The following MEIS1 variants were observed in gnomAD, a reference collection of about 807,000 sequenced individuals.
MEIS1 encodes homeobox protein Meis1.
Under a neutral mutation model 50.8 loss-of-function variants are expected in MEIS1, and 5 were observed. The ratio of observed to expected loss-of-function variants is 0.10; its 90% CI spans 0.05 to 0.21. The LOEUF (loss-of-function observed/expected upper bound fraction) is 0.21. Among genes scored for constraint, MEIS1 ranks in the 10% least tolerant of loss-of-function variants. MEIS1 has a pLI of 1.00. For synonymous variants in MEIS1, 176 were observed against 179.3 expected (o/e 0.98, Z 0.15); for missense variants, 318 against 517.3 (o/e 0.61, Z 3.74).
intron 6 of MEIS1, among the ~76,000 whole-genome samples, chr2:66,455,558 A>G (rs1459173740): frequency 6.6e-6 from 1 of 152,212 alleles, no homozygotes; most frequent in Non-Finnish European, 1.5e-5. Context: ...GTGCAGGTTA[A>G]TAAATTCCTG....
At chr2:66,557,815 G>C (rs879487875) in intron 9 of MEIS1, among the ~76,000 whole-genome samples, 2 of 152,148 alleles carry the variant, frequency 1.3e-5, no homozygotes, top group Admixed American at 6.5e-5. Context: ...AATTTGGAAA[G>C]CACTTTTCAT....
chr2:66,525,059 A>G (rs1387580210), intron 8 of MEIS1, among the ~76,000 whole-genome samples: 1 of 152,058 alleles, frequency 6.6e-6, no homozygotes, highest in Admixed American at 6.6e-5. Flanking sequence ...ACAAAAATAC[A>G]AAACTTAGCC....
At chr2:66,438,052 C>A in intron 2 of MEIS1, 89 bp downstream of exon 2, 1 of 1,187,846 alleles carries the variant, frequency 8.4e-7, no homozygotes, top group East Asian at 2.6e-5. Flanking sequence ...TCAGAGTTCT[C>A]TGGATTGGAG....
chr2:66,476,661 G>T lies in MEIS1; in HGVS notation c.742+12441G>T, dbSNP rs369992430. 4.1e-4 allele frequency among the ~76,000 whole-genome samples: 62 copies of T among 152,282 alleles called. 1 individual carries two copies. The South Asian group carries it at 0.012, about 31-fold the overall frequency. Reference sequence around the variant, plus strand: ...GCAGCACCTGCCTGGCATCGGATGGGCCTCTCTCTAGCCTTTCCATGGTGG... The same window carrying T: ...GCAGCACCTGCCTGGCATCGGATGGTCCTCTCTCTAGCCTTTCCATGGTGG... On this transcript the variant is annotated intron_variant, in intron 7 of 12. Transcript: ENST00000272369.
At chr2:66,461,755 C>G (rs1417039293) in intron 6 of MEIS1, 2 of 392,390 alleles carry the variant, frequency 5.1e-6, no homozygotes, top group Admixed American at 6.5e-5. Context: ...AGCCCAGCAT[C>G]TAAGGCCCAA....
intron 7 of MEIS1, among the ~76,000 whole-genome samples, chr2:66,487,440 C>T (rs1489131591): frequency 2.6e-5 from 4 of 152,174 alleles, no homozygotes; most frequent in African/African-American, 7.2e-5. Context: ...CCATGGATTT[C>T]TGAGGAGATA....
chr2:66,508,650 A>G (rs1352073112), intron 7 of MEIS1, among the ~76,000 whole-genome samples: 1 of 152,240 alleles, frequency 6.6e-6, no homozygotes, highest in Non-Finnish European at 1.5e-5. Context: ...TAATTGCCAC[A>G]CGGACTTCAT....
At chr2:66,455,705 G>T (rs1211086241) in intron 6 of MEIS1, among the ~76,000 whole-genome samples, 4 of 152,152 alleles carry the variant, frequency 2.6e-5, no homozygotes, top group Non-Finnish European at 5.9e-5. Context: ...TAGCAGCCCA[G>T]CGCCTGAGTA....
In MEIS1 at chr2:66,573,757, C is replaced by T. The variant is rs992790547; in HGVS notation, c.*2549C>T. The T allele has an allele frequency of 2.0e-5, 3 of 152,200 alleles. No individual in the cohort carries two copies. The highest frequency in any genetic ancestry group is 2.9e-5 in the Non-Finnish European group (2 of 68,044). 9.4% of individuals were successfully genotyped at this position (152,200 alleles called of 1,614,324 possible). A position where few individuals can be genotyped will look rare whatever the true frequency, so the allele number is the denominator to read the frequency against. Reference sequence around the variant, plus strand: ...CCTTGTTGACCTAGTGGCAATTCTTCCTCTACCTAAATAGTCGATGTGAGT... The same window carrying T: ...CCTTGTTGACCTAGTGGCAATTCTTTCTCTACCTAAATAGTCGATGTGAGT... On this transcript the variant is annotated 3_prime_UTR_variant, in exon 13 of 13. Transcript: ENST00000272369.
At chr2:66,454,831 T>A (rs1278378991) in intron 6 of MEIS1, 1 of 152,114 alleles carries the variant, frequency 6.6e-6, no homozygotes, top group Non-Finnish European at 1.5e-5. Context: ...CTTCTCCCAC[T>A]GCTAAGTAGA....
chr2:66,440,513 T>C, intron 3 of MEIS1, 49 bp from the exon 4 acceptor site: 1 of 1,534,554 alleles, frequency 6.5e-7, no homozygotes, highest in Non-Finnish European at 9.0e-7. Context: ...AATTTTTCTT[T>C]CTTTTTTCTC....
chr2:66,458,677 A>G (rs1231325747), intron 6 of MEIS1, among the ~76,000 whole-genome samples: 4 of 152,310 alleles, frequency 2.6e-5, no homozygotes, highest in East Asian at 1.9e-4. Context: ...AAGTGGCCCA[A>G]TCAAGTTTCC....
Position 66,571,627 on chromosome 2 carries a change from C to A in MEIS1, c.*419C>A. ...TCCATTCTTGGCATCTACTCTGGAC[C>A]AAGGAGCATCCCTAATTCTTCATAG... is the stretch of plus-strand genomic sequence containing the variant. On this transcript the variant is annotated 3_prime_UTR_variant, in exon 13 of 13. Coordinates refer to ENST00000272369, the MANE Select transcript of MEIS1 (RefSeq NM_002398.3). The A allele has an allele frequency of 7.2e-7, 1 of 1,396,534 alleles. No homozygotes were observed. The highest frequency in any genetic ancestry group is 9.8e-7 in the Non-Finnish European group (1 of 1,019,980). 86.5% of individuals were successfully genotyped at this position (1,396,534 alleles called of 1,614,324 possible).
At chr2:66,461,028 T>A (rs1004551627) in intron 6 of MEIS1, among the ~76,000 whole-genome samples, 1 of 152,198 alleles carries the variant, frequency 6.6e-6, no homozygotes, top group Non-Finnish European at 1.5e-5. Flanking sequence ...TTGCTTACTC[T>A]GAAATTATAT....
chr2:66,437,550 A>G (rs1671826884), intron 1 of MEIS1, 187 bp from the exon 2 acceptor site: 1 of 615,254 alleles, frequency 1.6e-6, no homozygotes, highest in Non-Finnish European at 2.9e-6. Context: ...CTCGCTGAGA[A>G]TTCTGTATTT....
intron 9 of MEIS1, among the ~76,000 whole-genome samples, chr2:66,558,279 C>CAAAAAAAAAAAAAAAAAAAAAAAAGAA (rs1675121715): frequency 1.8e-5 from 1 of 57,102 alleles, no homozygotes; most frequent in Non-Finnish European, 2.9e-5. Context: ...AACTCCATCT[C>CAAAAAAAAAAAAAAAAAAAAAAAAGAA]AAAAAAAAAA....
chr2:66,512,513 A>C (rs567789437), intron 8 of MEIS1, among the ~76,000 whole-genome samples: 2 of 152,206 alleles, frequency 1.3e-5, no homozygotes, highest in Non-Finnish European at 2.9e-5. Context: ...GTTAACTTTC[A>C]TAAGTTAAAA....
intron 6 of MEIS1, among the ~76,000 whole-genome samples, chr2:66,443,965 T>C (rs1672065195): frequency 6.6e-6 from 1 of 152,206 alleles, no homozygotes; most frequent in Non-Finnish European, 1.5e-5. Context: ...TTTCTCTCTC[T>C]CTGTCACCCC....
chr2:66,527,153 G>T (rs1281007515), intron 8 of MEIS1, among the ~76,000 whole-genome samples: 1 of 152,190 alleles, frequency 6.6e-6, no homozygotes, highest in Non-Finnish European at 1.5e-5. Context: ...TATTTTAAAA[G>T]ATTATTAATT....
Sources: allele counts gnomAD v4.1 joint callset (sites outside exome capture counted in the v4.1 genomes callset), GRCh38; gene constraint gnomAD v4.1.1; transcripts MANE v1.5; gene names NCBI Gene and HGNC (gene_info 2026-07-23, HGNC 2026-07-21).